The following PITPNC1 variants were observed in gnomAD, a reference collection of about 807,000 sequenced individuals.
The protein encoded by PITPNC1 is cytoplasmic phosphatidylinositol transfer protein 1.
PITPNC1 carries 18 observed loss-of-function variants against 44.7 expected under a neutral mutation model. That is an observed-to-expected ratio of 0.40 (90% confidence interval 0.28 to 0.60). The LOEUF is 0.60. PITPNC1 is among the 20% of genes least tolerant of loss of function. The pLI, the probability that PITPNC1 is intolerant of heterozygous loss-of-function variation, is 0.39. For synonymous variants in PITPNC1, 141 were observed against 149.6 expected (o/e 0.94, Z 0.42); for missense variants, 290 against 418.4 (o/e 0.69, Z 2.68).
intron 1 of PITPNC1, among the ~76,000 whole-genome samples, chr17:67,523,821 T>C (rs1205792433): frequency 4.0e-5 from 6 of 149,286 alleles, no homozygotes; most frequent in Non-Finnish European, 5.9e-5. Context: ...TTTTTTTTTT[T>C]TTTTTTTTTA....
chr17:67,588,968 G>A (rs780124976), intron 5 of PITPNC1, among the ~76,000 whole-genome samples: 1 of 152,128 alleles, frequency 6.6e-6, no homozygotes, highest in Non-Finnish European at 1.5e-5. Flanking sequence ...ATTATAACCA[G>A]CCACCTACAA....
intron 2 of PITPNC1, among the ~76,000 whole-genome samples, 179 bp downstream of exon 2, chr17:67,533,129 C>T (rs1217726391): frequency 6.6e-6 from 1 of 152,146 alleles, no homozygotes; most frequent in African/African-American, 2.4e-5. Flanking sequence ...CGAGGTGGCT[C>T]ATGCCTGTAA....
chr17:67,419,156 G>A (rs553041511), intron 1 of PITPNC1, among the ~76,000 whole-genome samples: 1 of 138,784 alleles, frequency 7.2e-6, no homozygotes, highest in Non-Finnish European at 1.6e-5. Flanking sequence ...ATGCTTGGGG[G>A]AGAAGGAGGA....
chr17:67,600,224 G>A (rs1346448372), intron 5 of PITPNC1, among the ~76,000 whole-genome samples: 1 of 152,150 alleles, frequency 6.6e-6, no homozygotes, highest in African/African-American at 2.4e-5. Flanking sequence ...CTAGAGATTG[G>A]TGTGAGGAGT....
intron 1 of PITPNC1, among the ~76,000 whole-genome samples, chr17:67,427,745 A>G (rs1399157578): frequency 2.0e-5 from 3 of 152,214 alleles, no homozygotes; most frequent in East Asian, 1.9e-4. Flanking sequence ...AGGCAAATAC[A>G]TCATCTGATT....
rs182176167 is a variant in PITPNC1 at position 67,504,388 on chromosome 17, A to C, written c.49-28414A>C. On this transcript the variant is annotated intron_variant, in intron 1 of 8. Transcript: ENST00000581322. ...TTTTCTCAGGTGCAAAACAGGTCTT[A>C]TCTAAAGCAACTGAAAAGGCATGGA... is the stretch of plus-strand genomic sequence containing the variant. Among the ~76,000 whole-genome samples the C allele has an allele frequency of 2.4e-3, 373 of 152,350 alleles. 1 individual carries two copies. The highest frequency in any genetic ancestry group is 8.8e-3 in the African/African-American group (366 of 41,580).
At chr17:67,629,815 G>T (rs549788188) in intron 5 of PITPNC1, among the ~76,000 whole-genome samples, 2 of 152,146 alleles carry the variant, frequency 1.3e-5, no homozygotes, top group Non-Finnish European at 2.9e-5. Context: ...TGAAGCACTT[G>T]ACTTCAAGTA....
intron 7 of PITPNC1, among the ~76,000 whole-genome samples, chr17:67,674,995 A>T (rs537435802): frequency 7.2e-6 from 1 of 139,268 alleles, no homozygotes; most frequent in South Asian, 2.4e-4. Flanking sequence ...TTGGCGACAG[A>T]GTAAGACTCT....
At chr17:67,506,889 A>T (rs2040110555) in intron 1 of PITPNC1, among the ~76,000 whole-genome samples, 1 of 152,220 alleles carries the variant, frequency 6.6e-6, no homozygotes. Context: ...AGAATTCAAA[A>T]CTAGGAAGAA....
intron 1 of PITPNC1, among the ~76,000 whole-genome samples, chr17:67,399,898 G>A (rs181651891): frequency 1.4e-3 from 212 of 152,294 alleles, no homozygotes; most frequent in Non-Finnish European, 2.4e-3. Context: ...CTTGCTGTGT[G>A]ATATCAATGA....
Position 67,552,263 on chromosome 17 carries a change from G to T in PITPNC1, c.204G>T (p.Leu68=). 1 of 1,572,448 alleles carries T rather than the reference G, an allele frequency of 6.4e-7. No homozygotes were observed. Among genetic ancestry groups the T allele is most frequent in the Non-Finnish European group, 8.8e-7 (1 of 1,142,378 alleles). The change falls in exon 3 of 9, where the codon CTG becomes CTT. Residue 68 remains leucine, a synonymous_variant. Transcript: ENST00000581322. ...TEKRVYLNSK[L]PSWARAVVPK... ...TTTCTTTCTTTCCTCTTAGCAAACTGCCTAGTTGGGCTAGAGCTGTTGTCC... is the reference window on the plus strand; with the variant it reads ...TTTCTTTCTTTCCTCTTAGCAAACTTCCTAGTTGGGCTAGAGCTGTTGTCC...
At chr17:67,655,504 G>A (rs892072920) in intron 6 of PITPNC1, among the ~76,000 whole-genome samples, 3 of 143,044 alleles carry the variant, frequency 2.1e-5, no homozygotes, top group Non-Finnish European at 4.5e-5. Flanking sequence ...GGCTTGTAGT[G>A]AGCTGAGGTC....
intron 1 of PITPNC1, among the ~76,000 whole-genome samples, chr17:67,501,530 A>G (rs529751605): frequency 7.0e-4 from 107 of 152,174 alleles, no homozygotes; most frequent in African/African-American, 2.5e-3. Context: ...TGTAACTTCC[A>G]CATTAAAAGT....
At chr17:67,385,447 G>A (rs1001803705) in intron 1 of PITPNC1, among the ~76,000 whole-genome samples, 3 of 152,112 alleles carry the variant, frequency 2.0e-5, no homozygotes, top group East Asian at 1.9e-4. Flanking sequence ...GGACATGGGC[G>A]GGGACAAATA....
At chr17:67,651,414 G>A (rs1158540276) in intron 6 of PITPNC1, among the ~76,000 whole-genome samples, 1 of 152,128 alleles carries the variant, frequency 6.6e-6, no homozygotes, top group Non-Finnish European at 1.5e-5. Flanking sequence ...TTGGGAGGCT[G>A]AGACAGGAGA....
intron 1 of PITPNC1, among the ~76,000 whole-genome samples, chr17:67,399,934 T>C (rs1567975389): frequency 6.6e-6 from 1 of 152,212 alleles, no homozygotes; most frequent in Non-Finnish European, 1.5e-5. Context: ...CTCATTTTCC[T>C]GGGCCTCACC....
chr17:67,685,337 A>G (rs2042793213), intron 8 of PITPNC1, among the ~76,000 whole-genome samples: 1 of 152,216 alleles, frequency 6.6e-6, no homozygotes, highest in South Asian at 2.1e-4. Flanking sequence ...CTCCAGGTAT[A>G]CCTGGGAATG....
chr17:67,605,394 G>A (rs557543879), intron 5 of PITPNC1, among the ~76,000 whole-genome samples: 9 of 152,262 alleles, frequency 5.9e-5, no homozygotes, highest in East Asian at 3.9e-4. Context: ...TTGGACTCAC[G>A]CCGCCTGCCA....
chr17:67,594,996 A>G (rs1294053049), intron 5 of PITPNC1, among the ~76,000 whole-genome samples: 4 of 152,154 alleles, frequency 2.6e-5, no homozygotes, highest in Non-Finnish European at 4.4e-5. Flanking sequence ...AATGAAACGC[A>G]TATTAGAGTT....
Sources: allele counts gnomAD v4.1 joint callset (sites outside exome capture counted in the v4.1 genomes callset), GRCh38; gene constraint gnomAD v4.1.1; transcripts MANE v1.5; gene names NCBI Gene and HGNC (gene_info 2026-07-23, HGNC 2026-07-21).